NLRP5: variants seen among roughly 807,000 people sequenced by gnomAD.
NLRP5 encodes the protein NACHT, LRR and PYD domains-containing protein 5.
A neutral mutation model predicts 113.1 loss-of-function variants in NLRP5; 93 were observed. That is an observed-to-expected ratio of 0.82 (90% CI 0.70 to 0.98). The LOEUF (loss-of-function observed/expected upper bound fraction) is 0.98, where lower values mean the gene tolerates loss of function less well. NLRP5 is among the 50% of genes least tolerant of loss of function. The pLI, the probability that NLRP5 is intolerant of heterozygous loss-of-function variation, is 0.00. For missense variants in NLRP5, 1,808 were observed against 1,514.3 expected, an observed-to-expected ratio of 1.19 and a Z score of -3.22; for synonymous variants, 751 against 600.7, an observed-to-expected ratio of 1.25 and a Z score of -3.66.
intron 9 of NLRP5, among the ~76,000 whole-genome samples, chr19:56,037,485 G>C (rs900147426): frequency 8.6e-5 from 13 of 152,042 alleles, no homozygotes; most frequent in African/African-American, 3.1e-4. Context: ...ACAAGGTCAG[G>C]AGTTTGAGAC....
rs538509543 is a variant in NLRP5 at position 56,005,355 on chromosome 19, A to G, written c.442+1260A>G. On this transcript the variant is annotated intron_variant, in intron 2 of 14. Coordinates refer to ENST00000390649, the MANE Select transcript of NLRP5 (RefSeq NM_153447.4). The stretch of plus-strand genomic sequence containing the variant: ...TATATACACATACACATACACATAT[A>G]TTTTTATATACACACATATATATTT... Among the ~76,000 whole-genome samples, 568 of 135,264 alleles carry G rather than the reference A, an allele frequency of 4.2e-3. 6 individuals carry two copies. Among genetic ancestry groups the G allele is most frequent in the African/African-American group, 0.015 (541 of 36,352 alleles). The allele number at this position is 135,264 out of a possible 152,430, so 88.7% of individuals were successfully genotyped here.
rs576706266 is a variant in NLRP5, at chr19:56,028,984, C to T, written c.2276+475C>T. On this transcript the variant is annotated intron_variant, in intron 7 of 14. Coordinates refer to ENST00000390649, the MANE Select transcript of NLRP5 (RefSeq NM_153447.4). The stretch of plus-strand genomic sequence containing the variant: ...TTCGCCACGTTGGCCAGGCTGGTCT[C>T]GAACTCCTGACCTCAGGTGATCCAC... Among the ~76,000 whole-genome samples, 9 of 152,198 alleles carry T rather than the reference C, an allele frequency of 5.9e-5. No homozygotes were observed. In the South Asian group the frequency reaches 1.7e-3, roughly 28 times the overall value.
At chr19:56,004,137 T>G (rs1198328264) in intron 2 of NLRP5, 42 bp downstream of exon 2, 3 of 1,548,126 alleles carry the variant, frequency 1.9e-6, no homozygotes, top group Non-Finnish European at 2.6e-6. Flanking sequence ...GGAGGGGAGG[T>G]GATTTCAGGT....
chr19:56,024,392 A>ATGTG (rs1568489358), intron 6 of NLRP5, among the ~76,000 whole-genome samples: 1 of 127,492 alleles, frequency 7.8e-6, no homozygotes, highest in East Asian at 2.1e-4. Context: ...TATAACATAT[A>ATGTG]TACATATATG....
chr19:56,028,172 A>C lies in NLRP5; in HGVS notation c.1939A>C (p.Arg647=). 6.2e-7 allele frequency: 1 copy of C among 1,614,018 alleles called. No individual in the cohort carries two copies. Among genetic ancestry groups the C allele is most frequent in the Non-Finnish European group, 8.5e-7 (1 of 1,179,900 alleles). ...TGGCCTCGTGAGCGAAGACGTAAGG[A>C]GGCCACTGGAGGTCCTGCTGGGCTG... The change falls in exon 7 of 15, where the codon AGG becomes CGG. Residue 647 remains arginine (R), a synonymous_variant. Coordinates refer to ENST00000390649, the MANE Select transcript of NLRP5 (RefSeq NM_153447.4).
At chr19:56,010,049 A>T (rs1982121523) in intron 3 of NLRP5, among the ~76,000 whole-genome samples, 1 of 152,208 alleles carries the variant, frequency 6.6e-6, no homozygotes, top group Non-Finnish European at 1.5e-5. Context: ...AAACACACAG[A>T]GTAACCTTGA....
intron 4 of NLRP5, among the ~76,000 whole-genome samples, chr19:56,019,074 G>C (rs1473789341): frequency 2.0e-5 from 3 of 152,162 alleles, no homozygotes; most frequent in Non-Finnish European, 4.4e-5. Flanking sequence ...GGGATTACAG[G>C]TGCGAACGAC....
At chr19:56,056,167 C>T (rs1984142388) in intron 13 of NLRP5, among the ~76,000 whole-genome samples, 1 of 152,184 alleles carries the variant, frequency 6.6e-6, no homozygotes, top group Non-Finnish European at 1.5e-5. Flanking sequence ...ACTCCTACCC[C>T]TTCAAATAAT....
chr19:56,057,689 G>A (rs1984207748), intron 13 of NLRP5, among the ~76,000 whole-genome samples: 1 of 152,090 alleles, frequency 6.6e-6, no homozygotes, highest in Non-Finnish European at 1.5e-5. Context: ...ATCTCTCAAA[G>A]TGAGAACCAA....
At chr19:56,008,942 T>G in intron 3 of NLRP5, 89 bp downstream of exon 3, 1 of 1,130,206 alleles carries the variant, frequency 8.8e-7, no homozygotes, top group Middle Eastern at 1.9e-4. Context: ...CCATGACTTC[T>G]GATAGTCTAG....
In NLRP5 at chr19:56,027,751, G is replaced by C. The variant is rs551524644; in HGVS notation, c.1518G>C (p.Val506=). The change falls in exon 7 of 15, where the codon GTG becomes GTC. Residue 506 remains valine, a synonymous_variant. Coordinates refer to ENST00000390649, the MANE Select transcript of NLRP5 (RefSeq NM_153447.4). The stretch of plus-strand genomic sequence containing the variant: ...TCACAGGCCTGCACGCCGCTTTTGT[G>C]TTTCATCAGCTCACCCCTCGAGGCG... 9.3e-6 allele frequency: 15 copies of C among 1,613,896 alleles called. No individual in the cohort carries two copies. The South Asian group carries it at 1.6e-4, about 18-fold the overall frequency.
At chr19:56,009,508 T>C (rs958438677) in intron 3 of NLRP5, among the ~76,000 whole-genome samples, 2 of 151,930 alleles carry the variant, frequency 1.3e-5, no homozygotes, top group African/African-American at 4.8e-5. Context: ...GAAACCAGAT[T>C]CAATACAATT....
chr19:56,003,165 G>GT (rs1305382097), intron 1 of NLRP5, among the ~76,000 whole-genome samples: 2 of 151,966 alleles, frequency 1.3e-5, no homozygotes, highest in Admixed American at 6.6e-5. Flanking sequence ...GTGGTTTTTT[G>GT]TTTTTTGAGA....
intron 9 of NLRP5, among the ~76,000 whole-genome samples, chr19:56,036,164 C>A (rs757449264): frequency 6.8e-6 from 1 of 146,310 alleles, no homozygotes; most frequent in Non-Finnish European, 1.5e-5. Context: ...CCTGGGTTCA[C>A]GCCATTCTCC....
At chr19:56,009,184 C>T (rs1982078176) in intron 3 of NLRP5, among the ~76,000 whole-genome samples, 2 of 151,102 alleles carry the variant, frequency 1.3e-5, no homozygotes, top group African/African-American at 4.9e-5. Context: ...ACTAAAAATA[C>T]AAAAAAATAG....
At chr19:55,997,054 T>G (rs1011938627), upstream of NLRP5, among the ~76,000 whole-genome samples, 4 of 152,198 alleles carry the variant, frequency 2.6e-5, no homozygotes, top group African/African-American at 9.7e-5. Flanking sequence ...GGTATCTCAT[T>G]GTGGTTTTGA....
chr19:56,050,442 G>A lies in NLRP5; in HGVS notation c.2982G>A (p.Thr994=), dbSNP rs372079523. Reference sequence around the variant, plus strand: ...GGCTGAATCAGTGCCACCTGGACACGGCTGGCTGTGGTTTTCTTGCACTTG... The same window carrying A: ...GGCTGAATCAGTGCCACCTGGACACAGCTGGCTGTGGTTTTCTTGCACTTG... Residue 994 remains threonine (T), a synonymous_variant, in exon 12 of 15, where the codon ACG becomes ACA. Transcript: ENST00000390649. The A allele has an allele frequency of 4.1e-5, 66 of 1,613,660 alleles. No individual in the cohort carries two copies. Among genetic ancestry groups the A allele is most frequent in the South Asian group, 2.0e-4 (18 of 91,072 alleles).
At chr19:56,017,193 T>C (rs1011372559) in intron 4 of NLRP5, among the ~76,000 whole-genome samples, 2 of 152,224 alleles carry the variant, frequency 1.3e-5, no homozygotes, top group African/African-American at 4.8e-5. Flanking sequence ...TTTTTTTCCT[T>C]GGTCAGTCTG....
chr19:56,028,472 G>A lies in NLRP5; in HGVS notation c.2239G>A (p.Asp747Asn), dbSNP rs1982969067. ...GGATGTCAAAGGGATCTTCCCAAGA[G>A]ATGAGTCCGCTGAGGCATGTCCTGT... is the stretch of plus-strand genomic sequence containing the variant. The change falls in exon 7 of 15, where the codon GAT (aspartate) becomes AAT (asparagine). Residue 747 changes from aspartate to asparagine, a missense_variant. Transcript: ENST00000390649. 3 of 1,613,810 alleles carry A rather than the reference G, an allele frequency of 1.9e-6. No homozygotes were observed. Among genetic ancestry groups the A allele is most frequent in the Non-Finnish European group, 2.5e-6 (3 of 1,179,892 alleles).
Sources: allele counts gnomAD v4.1 joint callset (sites outside exome capture counted in the v4.1 genomes callset), GRCh38; gene constraint gnomAD v4.1.1; transcripts MANE v1.5; gene names NCBI Gene and HGNC (gene_info 2026-07-23, HGNC 2026-07-21).